Variants in SCML4 observed in about 807,000 individuals in gnomAD.
The protein encoded by SCML4 is Scm polycomb group protein like 4, also known as sex comb on midleg-like protein 4.
In SCML4, 34 loss-of-function variants were observed where a neutral mutation model predicts 41.1. The ratio of observed to expected loss-of-function variants is 0.83; its 90% CI spans 0.63 to 1.10. The LOEUF is 1.10. Among genes scored for constraint, SCML4 ranks in the 50% least tolerant of loss-of-function variants. SCML4 has a pLI of 0.00. For synonymous variants in SCML4, 214 were observed against 220.9 expected (o/e 0.97, Z 0.28); for missense variants, 522 against 534.1 (o/e 0.98, Z 0.22).
rs887118846 is a variant in SCML4 at position 107,715,434 on chromosome 6, T to C, written c.973+5269A>G. On this transcript the variant is annotated intron_variant, in intron 6 of 7. Coordinates refer to ENST00000369020, the MANE Select transcript of SCML4 (RefSeq NM_198081.5). Reference sequence around the variant, plus strand: ...AATAAAAATCCAACCACAGGAGGCATTTGGGTTGTAATAGCAATATCAGAT... The same window carrying C: ...AATAAAAATCCAACCACAGGAGGCACTTGGGTTGTAATAGCAATATCAGAT... Among the ~76,000 whole-genome samples the C allele has an allele frequency of 5.3e-5, 8 of 150,752 alleles. No homozygotes were observed. In the East Asian group the frequency reaches 1.6e-3, roughly 30 times the overall value.
chr6:107,781,904 C>G (rs1024622989), intron 1 of SCML4, among the ~76,000 whole-genome samples: 1 of 152,188 alleles, frequency 6.6e-6, no homozygotes, highest in Non-Finnish European at 1.5e-5. Context: ...AGGAGCTCCT[C>G]AGGTCCTAGT....
the SCML4 span, among the ~76,000 whole-genome samples, chr6:107,831,773 T>C: frequency 6.6e-6 from 1 of 151,942 alleles, no homozygotes; most frequent in Non-Finnish European, 1.5e-5. Context: ...GAAAAATTAG[T>C]CCAGGCGAGG....
chr6:107,828,003 C>T (rs770208370), upstream of SCML4, among the ~76,000 whole-genome samples: 21 of 152,232 alleles, frequency 1.4e-4, no homozygotes, highest in Non-Finnish European at 2.9e-4. Context: ...ACAGTGATAG[C>T]TAACATTTAC....
chr6:107,708,456 G>A lies in SCML4; in HGVS notation c.974-445C>T, dbSNP rs1773898268. On this transcript the variant is annotated intron_variant, in intron 6 of 7. Transcript: ENST00000369020. ...ATCGCGTCAGTGAGGCCAGTGACTTGGGGTCCTTTCTGCCTCCATGGCCTT... is the reference window on the plus strand; with the variant it reads ...ATCGCGTCAGTGAGGCCAGTGACTTAGGGTCCTTTCTGCCTCCATGGCCTT... Among the ~76,000 whole-genome samples, 4 of 152,280 alleles carry A rather than the reference G, an allele frequency of 2.6e-5. No homozygotes were observed. In the South Asian group the frequency reaches 6.2e-4, roughly 24 times the overall value.
At chr6:107,756,294 A>ATGTCAC (rs141534926) in intron 2 of SCML4, among the ~76,000 whole-genome samples, 2 of 152,344 alleles carry the variant, frequency 1.3e-5, no homozygotes, top group African/African-American at 4.8e-5. Flanking sequence ...GTGATAAGTC[A>ATGTCAC]TGTCACTAGC....
At chr6:107,717,098 G>A (rs1315746705) in intron 6 of SCML4, among the ~76,000 whole-genome samples, 3 of 137,270 alleles carry the variant, frequency 2.2e-5, no homozygotes, top group African/African-American at 8.4e-5. Flanking sequence ...AGGAGATCGA[G>A]ACCATCCTGG....
intron 5 of SCML4, chr6:107,740,042 G>A (rs748937578): frequency 2.5e-5 from 11 of 445,806 alleles, no homozygotes; most frequent in Admixed American, 1.1e-4. Context: ...TATGAGCTAG[G>A]AAAGGGCTCA....
intron 1 of SCML4, among the ~76,000 whole-genome samples, chr6:107,807,177 G>C (rs1783803590): frequency 6.6e-6 from 1 of 151,960 alleles, no homozygotes; most frequent in Non-Finnish European, 1.5e-5. Flanking sequence ...TGATGAAAAG[G>C]TAGCAAGAGT....
At chr6:107,804,936 C>T (rs1783611415) in intron 1 of SCML4, among the ~76,000 whole-genome samples, 2 of 152,190 alleles carry the variant, frequency 1.3e-5, no homozygotes, top group African/African-American at 4.8e-5. Context: ...CACCACTGTA[C>T]TCCAGCTTGA....
chr6:107,828,760 T>C (rs1785321176), upstream of SCML4, among the ~76,000 whole-genome samples: 1 of 152,188 alleles, frequency 6.6e-6, no homozygotes, highest in South Asian at 2.1e-4. Flanking sequence ...GTTAACCTAA[T>C]TAGTCAGACT....
the SCML4 span, among the ~76,000 whole-genome samples, chr6:107,833,177 G>A: frequency 2.0e-5 from 3 of 152,222 alleles, no homozygotes; most frequent in African/African-American, 2.4e-5. Flanking sequence ...TACAAGGGGA[G>A]TGACCTTCTA....
intron 1 of SCML4, among the ~76,000 whole-genome samples, chr6:107,779,715 C>A (rs2114591123): frequency 6.6e-6 from 1 of 152,306 alleles, no homozygotes; most frequent in Middle Eastern, 3.4e-3. Context: ...CAGTGTCATT[C>A]TTCTGCCAGC....
the SCML4 span, among the ~76,000 whole-genome samples, chr6:107,841,097 C>T: frequency 6.6e-6 from 1 of 151,760 alleles, no homozygotes; most frequent in East Asian, 1.9e-4. Context: ...CATATTGCAT[C>T]ATACAATATA....
At chr6:107,751,027 A>T (rs941187323) in intron 2 of SCML4, among the ~76,000 whole-genome samples, 1 of 152,190 alleles carries the variant, frequency 6.6e-6, no homozygotes, top group African/African-American at 2.4e-5. Flanking sequence ...TTGTTCAACA[A>T]ATATATACCA....
At chr6:107,843,498 G>C in the SCML4 span, among the ~76,000 whole-genome samples, 1 of 152,124 alleles carries the variant, frequency 6.6e-6, no homozygotes, top group Non-Finnish European at 1.5e-5. Flanking sequence ...TTGACCACCA[G>C]GAATTCCAAA....
In SCML4 at chr6:107,745,148, A is replaced by G; in HGVS notation, c.488-5T>C. 1 of 1,558,236 alleles carries G rather than the reference A, an allele frequency of 6.4e-7. No individual in the cohort carries two copies. The highest frequency in any genetic ancestry group is 2.4e-5 in the East Asian group (1 of 41,786). Reference sequence around the variant, plus strand: ...TGCCATCAAAGGAAGCCGAGACTGGAAAACCAGAGAGATGTCAGCTTAGAG... The same window carrying G: ...TGCCATCAAAGGAAGCCGAGACTGGGAAACCAGAGAGATGTCAGCTTAGAG... On this transcript the variant is annotated splice_region_variant and splice_polypyrimidine_tract_variant and intron_variant, in intron 4 of 7. Coordinates refer to ENST00000369020, the MANE Select transcript of SCML4 (RefSeq NM_198081.5).
intron 1 of SCML4, among the ~76,000 whole-genome samples, chr6:107,813,092 G>A (rs2114278842): frequency 6.6e-6 from 1 of 151,916 alleles, no homozygotes; most frequent in East Asian, 1.9e-4. Context: ...GCTGGGCATG[G>A]TGGCTCATGC....
chr6:107,808,221 T>C (rs1562279582), intron 1 of SCML4, among the ~76,000 whole-genome samples: 1 of 152,178 alleles, frequency 6.6e-6, no homozygotes, highest in East Asian at 1.9e-4. Context: ...GATATGTTAC[T>C]ATGACAACTT....
the SCML4 span, among the ~76,000 whole-genome samples, chr6:107,835,110 C>T: frequency 6.6e-6 from 1 of 152,114 alleles, no homozygotes; most frequent in Non-Finnish European, 1.5e-5. Flanking sequence ...CCTGTAATCT[C>T]AGCACTTTGG....
Sources: allele counts gnomAD v4.1 joint callset (sites outside exome capture counted in the v4.1 genomes callset), GRCh38; gene constraint gnomAD v4.1.1; transcripts MANE v1.5; gene names NCBI Gene and HGNC (gene_info 2026-07-23, HGNC 2026-07-21).